TACR3: variants seen among roughly 807,000 people sequenced by gnomAD.
TACR3 encodes tachykinin receptor 3.
TACR3 carries 34 observed loss-of-function variants against 35.0 expected under a neutral mutation model. The observed-to-expected ratio is 0.97, with a 90% CI of 0.74 to 1.30. The LOEUF (loss-of-function observed/expected upper bound fraction) is 1.30. Among genes scored for constraint, TACR3 ranks in the 50% most tolerant of loss-of-function variants. The pLI is 0.00. For missense variants in TACR3, 558 were observed against 591.7 expected (o/e 0.94, Z 0.59); for synonymous variants, 233 against 221.1 (o/e 1.05, Z -0.48).
chr4:103,708,110 C>T (rs1052192960), intron 1 of TACR3, among the ~76,000 whole-genome samples: 3 of 152,210 alleles, frequency 2.0e-5, no homozygotes, highest in Non-Finnish European at 4.4e-5. Flanking sequence ...GCAGAATCCT[C>T]TGCAGACGTA....
At chr4:103,693,712 T>C (rs1350698977) in intron 1 of TACR3, among the ~76,000 whole-genome samples, 1 of 152,150 alleles carries the variant, frequency 6.6e-6, no homozygotes, top group Non-Finnish European at 1.5e-5. Flanking sequence ...TGCTTTATCA[T>C]CTAATTATGC....
intron 3 of TACR3, among the ~76,000 whole-genome samples, chr4:103,655,774 A>G (rs1033711372): frequency 6.6e-5 from 10 of 152,094 alleles, no homozygotes; most frequent in African/African-American, 2.4e-4. Flanking sequence ...ATATTAGAAA[A>G]TTATTGCACT....
At chr4:103,622,627 G>C (rs892658891) in intron 3 of TACR3, among the ~76,000 whole-genome samples, 1 of 152,178 alleles carries the variant, frequency 6.6e-6, no homozygotes, top group East Asian at 1.9e-4. Context: ...TGCTGGGGAG[G>C]CTGAGGCAGG....
chr4:103,716,975 TAAAA>T (rs2110234652), intron 1 of TACR3, among the ~76,000 whole-genome samples: 1 of 152,264 alleles, frequency 6.6e-6, no homozygotes, highest in Non-Finnish European at 1.5e-5. Context: ...CTTTAACTTA[TAAAA>T]TATATCCTAT....
At position 103,718,842 on chromosome 4, in the gene TACR3, T is replaced by A. The variant is rs188785687; in HGVS notation, c.548+286A>T. Among the ~76,000 whole-genome samples the A allele has an allele frequency of 1.1e-3, 162 of 152,300 alleles. 1 individual carries two copies. Among genetic ancestry groups the A allele is most frequent in the Admixed American group, 3.0e-3 (46 of 15,310 alleles). On this transcript the variant is annotated intron_variant, in intron 1 of 4. Coordinates refer to ENST00000304883, the MANE Select transcript of TACR3 (RefSeq NM_001059.3). The stretch of plus-strand genomic sequence containing the variant: ...CGTTTCTAGCTAAGTTTGCCCTACT[T>A]GGAAGGGCATTTTCACCTGTCCCTC...
rs1366143177 is a variant in TACR3 at position 103,588,725 on chromosome 4, T to C, written c.*957A>G. ...TGGTATTTTTCAACCATATAGTCTT[T>C]TGTCACACTTGTGACTTTTTTTCCC... On this transcript the variant is annotated 3_prime_UTR_variant, in exon 5 of 5. Coordinates refer to ENST00000304883, the MANE Select transcript of TACR3 (RefSeq NM_001059.3). The C allele has an allele frequency of 6.6e-6, 1 of 152,164 alleles. No homozygotes were observed. Among genetic ancestry groups the C allele is most frequent in the Non-Finnish European group, 1.5e-5 (1 of 67,982 alleles). The allele number at this position is 152,164 out of a possible 1,614,324, so 9.4% of individuals were successfully genotyped here.
chr4:103,639,510 G>A (rs942453155), intron 3 of TACR3, among the ~76,000 whole-genome samples: 2 of 151,972 alleles, frequency 1.3e-5, no homozygotes, highest in African/African-American at 4.8e-5. Flanking sequence ...GTTAATGGGT[G>A]CAGCACACCA....
chr4:103,605,003 C>T (rs1338434989), intron 3 of TACR3, among the ~76,000 whole-genome samples: 1 of 139,896 alleles, frequency 7.1e-6, no homozygotes, highest in East Asian at 2.3e-4. Flanking sequence ...ACAACAGTCC[C>T]CAGAGTGTGA....
At chr4:103,708,650 G>A (rs1722856998) in intron 1 of TACR3, among the ~76,000 whole-genome samples, 1 of 152,208 alleles carries the variant, frequency 6.6e-6, no homozygotes. Flanking sequence ...AACAAAGCTG[G>A]ATGGAGAATG....
chr4:103,682,302 C>T (rs1041096331), intron 1 of TACR3, among the ~76,000 whole-genome samples: 1 of 152,018 alleles, frequency 6.6e-6, no homozygotes, highest in African/African-American at 2.4e-5. Flanking sequence ...TATAAAGATA[C>T]TACCCAAGAG....
At chr4:103,674,373 C>T (rs1455697893) in intron 1 of TACR3, among the ~76,000 whole-genome samples, 2 of 151,480 alleles carry the variant, frequency 1.3e-5, no homozygotes, top group African/African-American at 4.9e-5. Flanking sequence ...CCATTTATTA[C>T]ATGAATTAAA....
chr4:103,637,750 C>G (rs1473939030), intron 3 of TACR3, among the ~76,000 whole-genome samples: 1 of 152,132 alleles, frequency 6.6e-6, no homozygotes, highest in Non-Finnish European at 1.5e-5. Flanking sequence ...TCTCAGGATA[C>G]AAAATCAATG....
At chr4:103,667,418 C>T (rs1376997259) in intron 1 of TACR3, among the ~76,000 whole-genome samples, 1 of 152,062 alleles carries the variant, frequency 6.6e-6, no homozygotes, top group East Asian at 1.9e-4. Context: ...AGTATCACAA[C>T]AGGGCAGCTT....
chr4:103,627,501 G>C, intron 3 of TACR3, among the ~76,000 whole-genome samples: 1 of 151,810 alleles, frequency 6.6e-6, no homozygotes, highest in East Asian at 1.9e-4. Flanking sequence ...TCCAGCCTGG[G>C]CGATAGAGCA....
intron 1 of TACR3, among the ~76,000 whole-genome samples, chr4:103,701,218 A>G (rs1390736353): frequency 6.6e-6 from 1 of 152,154 alleles, no homozygotes; most frequent in African/African-American, 2.4e-5. Flanking sequence ...ATACAAAATC[A>G]ATGTACAAAA....
chr4:103,630,003 T>C (rs765852511), intron 3 of TACR3, among the ~76,000 whole-genome samples: 1 of 151,650 alleles, frequency 6.6e-6, no homozygotes, highest in Non-Finnish European at 1.5e-5. Flanking sequence ...TATAGACCAA[T>C]GGTACAGAAT....
chr4:103,700,897 C>T (rs1194667707), intron 1 of TACR3, among the ~76,000 whole-genome samples: 2 of 152,094 alleles, frequency 1.3e-5, no homozygotes, highest in Non-Finnish European at 2.9e-5. Flanking sequence ...TGGGACGTAT[C>T]TCAAAATAAT....
At chr4:103,702,667 A>T (rs1231111894) in intron 1 of TACR3, among the ~76,000 whole-genome samples, 1 of 152,066 alleles carries the variant, frequency 6.6e-6, no homozygotes, top group African/African-American at 2.4e-5. Flanking sequence ...TCAAACAATG[A>T]TGGACTGGAT....
intron 1 of TACR3, among the ~76,000 whole-genome samples, chr4:103,706,727 T>C (rs1578266334): frequency 6.6e-6 from 1 of 152,186 alleles, no homozygotes; most frequent in East Asian, 1.9e-4. Context: ...AATACTTATA[T>C]ATTTTTGTTT....
Sources: gnomAD v4.1 joint callset for allele counts (sites outside exome capture counted in the v4.1 genomes callset) on GRCh38, gnomAD v4.1.1 for gene constraint, MANE v1.5 for transcripts, NCBI Gene and HGNC (gene_info 2026-07-23, HGNC 2026-07-21) for gene names.